Variants in KCNT2 observed in about 807,000 individuals in gnomAD.
The protein encoded by KCNT2 is potassium channel subfamily T member 2.
Under a neutral mutation model 153.8 loss-of-function variants are expected in KCNT2, and 67 were observed. The observed-to-expected ratio is 0.44, with a 90% CI of 0.36 to 0.53. The LOEUF (loss-of-function observed/expected upper bound fraction) is 0.53, where lower values mean the gene tolerates loss of function less well. Ranked by LOEUF, KCNT2 falls within the 20% of genes least tolerant of loss-of-function variation. The pLI, the probability that KCNT2 is intolerant of heterozygous loss-of-function variation, is 0.00. For synonymous variants in KCNT2, 500 were observed against 458.8 expected (o/e 1.09, Z -1.15); for missense variants, 975 against 1,354.8 (o/e 0.72, Z 4.40).
chr1:196,446,462 C>A (rs957397160), intron 8 of KCNT2, among the ~76,000 whole-genome samples: 14 of 151,128 alleles, frequency 9.3e-5, no homozygotes, highest in African/African-American at 3.4e-4. Flanking sequence ...TTGATCTAGT[C>A]CAACTCGTTT....
At chr1:196,578,144 T>G (rs542186251) in intron 1 of KCNT2, among the ~76,000 whole-genome samples, 26 of 151,794 alleles carry the variant, frequency 1.7e-4, no homozygotes, top group African/African-American at 5.6e-4. Flanking sequence ...TTAAGTATTT[T>G]CATTTGGAAT....
chr1:196,433,107 C>A lies in KCNT2; in HGVS notation c.639-3350G>T, dbSNP rs769483066. The stretch of plus-strand genomic sequence containing the variant: ...TTTGCCCTTCTGCCTTGGGAGGATG[C>A]AATAGTAAAGCCCCATCTTGAAAGC... On this transcript the variant is annotated intron_variant, in intron 8 of 27. Coordinates refer to ENST00000294725, the MANE Select transcript of KCNT2 (RefSeq NM_198503.5). Among the ~76,000 whole-genome samples, 115 of 151,984 alleles carry A rather than the reference C, an allele frequency of 7.6e-4. 1 individual carries two copies. The highest frequency in any genetic ancestry group is 2.8e-4 in the Non-Finnish European group (19 of 67,996).
At chr1:196,587,537 C>T (rs1158487205) in intron 1 of KCNT2, among the ~76,000 whole-genome samples, 1 of 151,880 alleles carries the variant, frequency 6.6e-6, no homozygotes, top group Non-Finnish European at 1.5e-5. Context: ...ATTAACATTC[C>T]ATATAATTAT....
intron 14 of KCNT2, among the ~76,000 whole-genome samples, chr1:196,350,651 G>A (rs1666592409): frequency 6.6e-6 from 1 of 152,072 alleles, no homozygotes. Flanking sequence ...CATTTTGTAG[G>A]TTGCCTGTTC....
intron 26 of KCNT2, among the ~76,000 whole-genome samples, chr1:196,240,473 A>C (rs1401728456): frequency 6.6e-6 from 1 of 152,088 alleles, no homozygotes; most frequent in African/African-American, 2.4e-5. Context: ...CAAGTGCAAC[A>C]TAAAGGTTAT....
chr1:196,492,425 CTGTAG>C, intron 1 of KCNT2, 84 bp from the exon 2 acceptor site: 2 of 990,314 alleles, frequency 2.0e-6, no homozygotes, highest in Non-Finnish European at 2.7e-6. Context: ...ATAAATTGAT[CTGTAG>C]TTCTCTAACT....
At chr1:196,365,012 C>A (rs183266969) in intron 14 of KCNT2, among the ~76,000 whole-genome samples, 1 of 152,098 alleles carries the variant, frequency 6.6e-6, no homozygotes, top group Admixed American at 6.6e-5. Flanking sequence ...ATTCTTAAAT[C>A]TTTTCATCCA....
At chr1:196,464,491 A>G (rs1397066627) in intron 8 of KCNT2, among the ~76,000 whole-genome samples, 2 of 151,912 alleles carry the variant, frequency 1.3e-5, no homozygotes, top group African/African-American at 2.4e-5. Context: ...ATTTATACCT[A>G]GCTCAGTTGT....
At chr1:196,283,995 C>T (rs1571902799) in intron 23 of KCNT2, among the ~76,000 whole-genome samples, 1 of 151,118 alleles carries the variant, frequency 6.6e-6, no homozygotes, top group East Asian at 2.0e-4. Flanking sequence ...CTTTGGGAGG[C>T]CAAGGTTGGC....
chr1:196,513,373 G>A (rs890391702), intron 1 of KCNT2, among the ~76,000 whole-genome samples: 1 of 152,144 alleles, frequency 6.6e-6, no homozygotes, highest in Non-Finnish European at 1.5e-5. Flanking sequence ...CTGCCATCTG[G>A]CATCTATGCT....
intron 1 of KCNT2, among the ~76,000 whole-genome samples, chr1:196,518,497 G>T (rs1243783712): frequency 9.2e-6 from 1 of 108,716 alleles, no homozygotes; most frequent in African/African-American, 3.5e-5. Context: ...AAAAAAAAAA[G>T]CAAGATCCAA....
chr1:196,232,646 A>G (rs557202717), intron 27 of KCNT2, among the ~76,000 whole-genome samples: 89 of 151,728 alleles, frequency 5.9e-4, no homozygotes, highest in Admixed American at 2.6e-3. Context: ...CTAATAAAAA[A>G]TAAGAGTATC....
intron 13 of KCNT2, among the ~76,000 whole-genome samples, chr1:196,387,942 T>C (rs77832580): frequency 4.6e-4 from 70 of 151,742 alleles, no homozygotes; most frequent in Admixed American, 2.4e-3. Flanking sequence ...TTTTTTTTTT[T>C]TCTCTTATGG....
chr1:196,552,840 T>C (rs565405965), intron 1 of KCNT2, among the ~76,000 whole-genome samples: 1 of 151,432 alleles, frequency 6.6e-6, no homozygotes, highest in South Asian at 2.1e-4. Context: ...CAGTGTTAAG[T>C]TGTCAGCAGT....
At chr1:196,273,824 G>C in intron 25 of KCNT2, among the ~76,000 whole-genome samples, 1 of 151,538 alleles carries the variant, frequency 6.6e-6, no homozygotes, top group East Asian at 1.9e-4. Flanking sequence ...TATAAAAGTA[G>C]CCATAATCCA....
intron 18 of KCNT2, among the ~76,000 whole-genome samples, chr1:196,328,619 T>C (rs1664119833): frequency 6.6e-6 from 1 of 150,724 alleles, no homozygotes; most frequent in Non-Finnish European, 1.5e-5. Flanking sequence ...AGTACAGTCC[T>C]TAAAGTGCTA....
intron 3 of KCNT2, among the ~76,000 whole-genome samples, 163 bp downstream of exon 3, chr1:196,489,675 A>G (rs1679710478): frequency 1.3e-5 from 2 of 152,190 alleles, no homozygotes; most frequent in South Asian, 4.1e-4. Context: ...CAAAGAACCT[A>G]CAAGAATTAT....
At position 196,437,230 on chromosome 1, in the gene KCNT2, TTA is replaced by T. The variant is rs1270820714; in HGVS notation, c.639-7475_639-7474del. The stretch of plus-strand genomic sequence containing the variant: ...CCAAAACCAAGTATTTTAAGAAAGC[TTA>T]TATATATATATATTTATATATTTTT... On this transcript the variant is annotated intron_variant, in intron 8 of 27. Coordinates refer to ENST00000294725, the MANE Select transcript of KCNT2 (RefSeq NM_198503.5). 5.2e-3 allele frequency among the ~76,000 whole-genome samples: 609 copies of T among 116,754 alleles called. 6 individuals carry two copies. Among genetic ancestry groups the T allele is most frequent in the African/African-American group, 0.017 (537 of 31,940 alleles). 76.6% of individuals were successfully genotyped at this position (116,754 alleles called of 152,430 possible).
At chr1:196,479,932 C>A (rs555817280) in intron 4 of KCNT2, among the ~76,000 whole-genome samples, 37 of 152,218 alleles carry the variant, frequency 2.4e-4, no homozygotes, top group African/African-American at 8.7e-4. Context: ...TAAAATAGAC[C>A]ATACCACCAC....
Sources: gnomAD v4.1 joint callset for allele counts (sites outside exome capture counted in the v4.1 genomes callset) on GRCh38, gnomAD v4.1.1 for gene constraint, MANE v1.5 for transcripts, NCBI Gene and HGNC (gene_info 2026-07-23, HGNC 2026-07-21) for gene names.